The following SLC4A4 variants were observed in gnomAD, a reference collection of about 807,000 sequenced individuals.
SLC4A4 encodes the protein electrogenic sodium bicarbonate cotransporter 1.
SLC4A4 carries 27 observed loss-of-function variants against 111.5 expected under a neutral mutation model. That is an observed-to-expected ratio of 0.24 (90% confidence interval 0.18 to 0.33). SLC4A4 has a LOEUF of 0.33. Ranked by LOEUF, SLC4A4 falls within the 10% of genes least tolerant of loss-of-function variation. The probability of loss-of-function intolerance (pLI) is 1.00; values close to 1 mark genes in which losing one functional copy is unlikely to be tolerated. For missense variants in SLC4A4, 909 were observed against 1,315.5 expected (o/e 0.69, Z 4.78); for synonymous variants, 443 against 463.4 (o/e 0.96, Z 0.57).
chr4:71,534,891 C>T (rs2149214616), intron 18 of SLC4A4, among the ~76,000 whole-genome samples: 1 of 152,132 alleles, frequency 6.6e-6, no homozygotes, highest in East Asian at 1.9e-4. Context: ...GAGAAAAATG[C>T]TTTATTTTGG....
chr4:71,374,635 T>C (rs1483488162), intron 6 of SLC4A4, among the ~76,000 whole-genome samples: 1 of 152,196 alleles, frequency 6.6e-6, no homozygotes, highest in Non-Finnish European at 1.5e-5. Flanking sequence ...TATATTATGC[T>C]GACTTTAGAC....
chr4:71,534,416 T>C, intron 18 of SLC4A4, 28 bp downstream of exon 18: 1 of 1,607,142 alleles, frequency 6.2e-7, no homozygotes, highest in Non-Finnish European at 8.5e-7. Flanking sequence ...TGTCTGTCAT[T>C]GCCTTCTACT....
At chr4:71,556,925 T>C (rs960274657) in intron 21 of SLC4A4, among the ~76,000 whole-genome samples, 1 of 152,014 alleles carries the variant, frequency 6.6e-6, no homozygotes, top group African/African-American at 2.4e-5. Flanking sequence ...GCATCTTTCA[T>C]TGAAAGATCC....
At chr4:71,274,320 C>G (rs930323693) in intron 3 of SLC4A4, among the ~76,000 whole-genome samples, 3 of 152,006 alleles carry the variant, frequency 2.0e-5, no homozygotes, top group Non-Finnish European at 4.4e-5. Flanking sequence ...CTTGCTGTCT[C>G]AGGGGTGACA....
At chr4:71,398,720 T>C (rs1249935217) in intron 7 of SLC4A4, among the ~76,000 whole-genome samples, 1 of 152,214 alleles carries the variant, frequency 6.6e-6, no homozygotes, top group Non-Finnish European at 1.5e-5. Flanking sequence ...TCTTGCTACT[T>C]GTTCCAAAAC....
chr4:71,460,553 C>T (rs1560528101), intron 12 of SLC4A4, among the ~76,000 whole-genome samples: 3 of 152,048 alleles, frequency 2.0e-5, no homozygotes, highest in Admixed American at 1.3e-4. Flanking sequence ...TTGCTTATGA[C>T]GACAAAGTAC....
intron 20 of SLC4A4, 140 bp from the exon 21 acceptor site, chr4:71,555,000 T>G (rs1279467368): frequency 1.3e-5 from 9 of 690,172 alleles, no homozygotes; most frequent in Non-Finnish European, 2.1e-5. Flanking sequence ...AATTGACTAG[T>G]AAAGCATACT....
chr4:71,216,522 CT>C (rs1385918454), intron 1 of SLC4A4, among the ~76,000 whole-genome samples: 3 of 152,168 alleles, frequency 2.0e-5, no homozygotes, highest in East Asian at 1.9e-4. Flanking sequence ...AATTTGACCT[CT>C]GATATATCAA....
chr4:71,437,146 G>A (rs768501430), intron 7 of SLC4A4: 22 of 459,440 alleles, frequency 4.8e-5, no homozygotes, highest in Middle Eastern at 5.3e-4. Flanking sequence ...GTTCAGATCC[G>A]TCAGAGGGAT....
In SLC4A4 at chr4:71,434,051, G is replaced by A. The variant is rs530530637; in HGVS notation, c.808-6565G>A. ...TGCCTGAGAAACAATACTATATCAT[G>A]TGTATGCCCATACACATGTATAATA... is the stretch of plus-strand genomic sequence containing the variant. On this transcript the variant is annotated intron_variant, in intron 7 of 25. Transcript: ENST00000264485. Among the ~76,000 whole-genome samples, 34 of 152,100 alleles carry A rather than the reference G, an allele frequency of 2.2e-4. No homozygotes were observed. In the South Asian group the frequency reaches 7.0e-3, roughly 31 times the overall value.
chr4:71,220,966 A>T (rs1462389624), intron 1 of SLC4A4, among the ~76,000 whole-genome samples: 1 of 152,146 alleles, frequency 6.6e-6, no homozygotes, highest in African/African-American at 2.4e-5. Context: ...GAGAACATGC[A>T]GTATTTGGTT....
At chr4:71,530,602 G>A (rs1252931410) in intron 16 of SLC4A4, among the ~76,000 whole-genome samples, 4 of 152,002 alleles carry the variant, frequency 2.6e-5, no homozygotes, top group African/African-American at 9.7e-5. Context: ...TTTCAAGAAA[G>A]CTAAACCTAG....
chr4:71,417,783 C>A (rs533709697), intron 7 of SLC4A4, among the ~76,000 whole-genome samples: 2 of 152,242 alleles, frequency 1.3e-5, no homozygotes, highest in South Asian at 4.1e-4. Flanking sequence ...ATAAAAGGCT[C>A]TGGTATTTCA....
chr4:71,319,218 T>G (rs1473131691), intron 3 of SLC4A4, among the ~76,000 whole-genome samples: 1 of 152,066 alleles, frequency 6.6e-6, no homozygotes, highest in African/African-American at 2.4e-5. Context: ...ATATTCTTTT[T>G]ATCTGTGAAC....
At chr4:71,437,067 G>T in intron 7 of SLC4A4, 1 of 411,782 alleles carries the variant, frequency 2.4e-6, no homozygotes, top group Admixed American at 3.0e-5. Flanking sequence ...CTATCTCATA[G>T]CCACAGGCAA....
chr4:71,518,595 G>A (rs1304694507), intron 16 of SLC4A4, among the ~76,000 whole-genome samples: 1 of 152,144 alleles, frequency 6.6e-6, no homozygotes, highest in Non-Finnish European at 1.5e-5. Flanking sequence ...TATTGGCAGG[G>A]ACTGGTCTGG....
chr4:71,147,439 A>T (rs1370104543), intron 2 of SLC4A4, among the ~76,000 whole-genome samples: 1 of 152,062 alleles, frequency 6.6e-6, no homozygotes, highest in African/African-American at 2.4e-5. Flanking sequence ...AGAGAGATGA[A>T]TTCCAAAATC....
chr4:71,314,044 A>T (rs1487151234), intron 3 of SLC4A4, among the ~76,000 whole-genome samples: 1 of 152,162 alleles, frequency 6.6e-6, no homozygotes, highest in African/African-American at 2.4e-5. Flanking sequence ...AATTTCCAGA[A>T]TCTACAAGGA....
intron 2 of SLC4A4, among the ~76,000 whole-genome samples, chr4:71,120,822 T>C (rs1252866599): frequency 6.6e-6 from 1 of 152,206 alleles, no homozygotes; most frequent in Non-Finnish European, 1.5e-5. Flanking sequence ...GTGCCCACTC[T>C]GGCTGCACTT....
Sources: gnomAD v4.1 joint callset for allele counts (sites outside exome capture counted in the v4.1 genomes callset) on GRCh38, gnomAD v4.1.1 for gene constraint, MANE v1.5 for transcripts, NCBI Gene and HGNC (gene_info 2026-07-23, HGNC 2026-07-21) for gene names.